The following CBLB variants were observed in gnomAD, a reference collection of about 807,000 sequenced individuals.
The protein encoded by CBLB is E3 ubiquitin-protein ligase CBL-B.
CBLB carries 31 observed loss-of-function variants against 104.9 expected under a neutral mutation model. The observed-to-expected ratio is 0.30, with a 90% CI of 0.22 to 0.40. The LOEUF (loss-of-function observed/expected upper bound fraction) is 0.40. Ranked by LOEUF, CBLB falls within the 10% of genes least tolerant of loss-of-function variation. The pLI is 1.00. For missense variants in CBLB, 1,062 were observed against 1,214.6 expected (o/e 0.87, Z 1.87); for synonymous variants, 440 against 422.6 (o/e 1.04, Z -0.51).
chr3:105,675,724 A>G (rs1026098707), intron 17 of CBLB, among the ~76,000 whole-genome samples: 1 of 151,944 alleles, frequency 6.6e-6, no homozygotes, highest in Non-Finnish European at 1.5e-5. Flanking sequence ...TCTCTACTAA[A>G]AATATAAAAA....
chr3:105,833,096 G>C (rs766247355), intron 3 of CBLB, among the ~76,000 whole-genome samples: 1 of 152,152 alleles, frequency 6.6e-6, no homozygotes, highest in Non-Finnish European at 1.5e-5. Context: ...AGACCTGAGG[G>C]AGAGTGTCGT....
In CBLB at chr3:105,703,801, T is replaced by C. The variant is rs188388804; in HGVS notation, c.1593+187A>G. On this transcript the variant is annotated intron_variant, in intron 11 of 18. Transcript: ENST00000394030. ...AGACATATGCTCTCTGCAAAAATTA[T>C]GTGTAACTCTCATAGTAATAAAACA... Among the ~76,000 whole-genome samples the C allele has an allele frequency of 2.6e-5, 4 of 152,344 alleles. No individual in the cohort carries two copies. The East Asian group carries it at 5.8e-4, about 22-fold the overall frequency.
At chr3:105,764,352 C>T (rs1355715543) in intron 4 of CBLB, among the ~76,000 whole-genome samples, 7 of 152,186 alleles carry the variant, frequency 4.6e-5, no homozygotes, top group African/African-American at 1.4e-4. Flanking sequence ...AGAAAAACAG[C>T]TGGCACACAG....
At chr3:105,708,784 T>C (rs1158855287) in intron 10 of CBLB, among the ~76,000 whole-genome samples, 1 of 152,022 alleles carries the variant, frequency 6.6e-6, no homozygotes, top group African/African-American at 2.4e-5. Context: ...TAATGCATTA[T>C]AAAATAAATG....
At chr3:105,684,720 T>C (rs932553410) in intron 14 of CBLB, among the ~76,000 whole-genome samples, 2 of 152,082 alleles carry the variant, frequency 1.3e-5, no homozygotes, top group African/African-American at 4.8e-5. Flanking sequence ...ACCCGGCTCA[T>C]TTTTGTATTT....
At chr3:105,708,948 C>G (rs544348420) in intron 10 of CBLB, among the ~76,000 whole-genome samples, 54 of 151,902 alleles carry the variant, frequency 3.6e-4, no homozygotes, top group African/African-American at 1.3e-3. Context: ...CTAGTCAAAG[C>G]TTGCCCATCT....
chr3:105,709,064 G>A (rs2070680228), intron 10 of CBLB, among the ~76,000 whole-genome samples: 1 of 151,786 alleles, frequency 6.6e-6, no homozygotes, highest in African/African-American at 2.4e-5. Context: ...AGCTCTTAAT[G>A]CAATAGTAAC....
Position 105,821,260 on chromosome 3 carries a change from ATATC to A in CBLB, c.419+32150_419+32153del, listed in dbSNP as rs10660729. Among the ~76,000 whole-genome samples the A allele has an allele frequency of 2.5e-3, 372 of 149,516 alleles. 1 individual carries two copies. Among genetic ancestry groups the A allele is most frequent in the African/African-American group, 6.4e-3 (260 of 40,704 alleles). The stretch of plus-strand genomic sequence containing the variant: ...CTTTAAAGATCAGATATCTATATCT[ATATC>A]TATCTATCTATCTATCTATCTATCT... On this transcript the variant is annotated intron_variant, in intron 3 of 18. Transcript: ENST00000394030.
intron 3 of CBLB, among the ~76,000 whole-genome samples, chr3:105,779,183 TAAA>T (rs1289284879): frequency 6.6e-6 from 1 of 152,252 alleles, no homozygotes; most frequent in African/African-American, 2.4e-5. Flanking sequence ...TTGTTAGATC[TAAA>T]GTCTGAAACA....
intron 3 of CBLB, among the ~76,000 whole-genome samples, chr3:105,821,850 T>C (rs1178003943): frequency 6.6e-6 from 1 of 152,192 alleles, no homozygotes; most frequent in Non-Finnish European, 1.5e-5. Context: ...GGTCATGATT[T>C]CATCCCTTCT....
chr3:105,803,746 CA>C (rs1339843263), intron 3 of CBLB, among the ~76,000 whole-genome samples: 2 of 152,176 alleles, frequency 1.3e-5, no homozygotes. Flanking sequence ...GCCGGGTACA[CA>C]TTCTTAAAGA....
intron 3 of CBLB, among the ~76,000 whole-genome samples, chr3:105,832,802 G>A (rs1404662116): frequency 2.0e-5 from 3 of 152,254 alleles, no homozygotes; most frequent in South Asian, 4.1e-4. Flanking sequence ...TACCTACACC[G>A]TGTTGGAAAT....
chr3:105,716,251 G>GTA (rs1256570036), intron 10 of CBLB, among the ~76,000 whole-genome samples: 3 of 152,012 alleles, frequency 2.0e-5, no homozygotes, highest in Admixed American at 6.6e-5. Flanking sequence ...GATGCTCTGT[G>GTA]TATATATATA....
rs2063518959 is a variant in CBLB, at chr3:105,658,958, C to T, written c.*12G>A. 6.2e-7 allele frequency: 1 copy of T among 1,613,336 alleles called. No homozygotes were observed. The highest frequency in any genetic ancestry group is 8.5e-7 in the Non-Finnish European group (1 of 1,179,596). On this transcript the variant is annotated 3_prime_UTR_variant, in exon 19 of 19. Transcript: ENST00000394030. The stretch of plus-strand genomic sequence containing the variant: ...CGATTGCTTTCCATTTTGGTGTCTA[C>T]AGTTCTGGCTGCTATAGATTTAGAC...
rs1472604572 is a variant in CBLB at position 105,670,257 on chromosome 3, A to T, written c.2665T>A (p.Tyr889Asn). The change falls in exon 18 of 19, where the codon TAT (tyrosine) becomes AAT (asparagine). Residue 889 changes from tyrosine to asparagine, a missense_variant. Physicochemically the swap from Tyr to Asn is moderately radical, Grantham distance 143. This residue lies in a region of CBLB where 605 missense variants were observed against 582.6 expected (regional missense o/e 1.04). Coordinates refer to ENST00000394030, the MANE Select transcript of CBLB (RefSeq NM_170662.5). ...NVKTNRTSQDYDQLPSCSDGS... is the reference protein window; with the variant it reads ...NVKTNRTSQDNDQLPSCSDGS... ...CCTGAACATGAAGGAAGCTGATCAT[A>T]GTCCTGTGATGTTCTGTTAGTTTTG... 7.4e-6 allele frequency: 12 copies of T among 1,613,116 alleles called. No individual in the cohort carries two copies. Among genetic ancestry groups the T allele is most frequent in the Non-Finnish European group, 9.3e-6 (11 of 1,179,336 alleles).
Position 105,657,901 on chromosome 3 carries a change from A to G in CBLB, c.*1069T>C, listed in dbSNP as rs553267669. ...ACGAAGAGTTAATGTTTCCACTGCA[A>G]TATGAACTGGTTCCCACAGCTCTTA... On this transcript the variant is annotated 3_prime_UTR_variant, in exon 19 of 19. Coordinates refer to ENST00000394030, the MANE Select transcript of CBLB (RefSeq NM_170662.5). The G allele has an allele frequency of 2.4e-5, 5 of 211,408 alleles. No individual in the cohort carries two copies. The South Asian group carries it at 5.6e-4, about 24-fold the overall frequency. The allele number at this position is 211,408 out of a possible 1,614,324, so 13.1% of individuals were successfully genotyped here.
chr3:105,682,348 T>C (rs549778002), intron 14 of CBLB, among the ~76,000 whole-genome samples: 1 of 152,204 alleles, frequency 6.6e-6, no homozygotes, highest in Non-Finnish European at 1.5e-5. Flanking sequence ...TTCAAAGAAC[T>C]AGAGCCTGTG....
chr3:105,848,342 T>C (rs996234411), intron 3 of CBLB, among the ~76,000 whole-genome samples: 2 of 152,070 alleles, frequency 1.3e-5, no homozygotes, highest in African/African-American at 4.8e-5. Context: ...GCCCTAAATA[T>C]CTACTTCAGT....
intron 3 of CBLB, among the ~76,000 whole-genome samples, chr3:105,851,035 C>T (rs2090877686): frequency 1.3e-5 from 2 of 152,070 alleles, no homozygotes; most frequent in African/African-American, 2.4e-5. Context: ...AGGTATTTTA[C>T]CCAAATGAGT....
Sources: gnomAD v4.1 joint callset for allele counts (sites outside exome capture counted in the v4.1 genomes callset) on GRCh38, gnomAD v4.1.1 for gene constraint, gnomAD v4.1.1 regional missense constraint, MANE v1.5 for transcripts, NCBI Gene and HGNC (gene_info 2026-07-23, HGNC 2026-07-21) for gene names.